SASH1: variants seen among roughly 807,000 people sequenced by gnomAD.
SASH1 encodes the protein SAM and SH3 domain containing 1.
A neutral mutation model predicts 125.2 loss-of-function variants in SASH1; 44 were observed. The ratio of observed to expected loss-of-function variants is 0.35; its 90% CI spans 0.28 to 0.45. The LOEUF (loss-of-function observed/expected upper bound fraction) is 0.45. SASH1 is among the 20% of genes least tolerant of loss of function. The probability of loss-of-function intolerance (pLI) is 1.00; values close to 1 mark genes in which losing one functional copy is unlikely to be tolerated. For synonymous variants in SASH1, 639 were observed against 649.1 expected (o/e 0.98, Z 0.24); for missense variants, 1,426 against 1,614.5 (o/e 0.88, Z 2.00).
At chr6:148,528,511 C>A (rs985205743) in intron 12 of SASH1, among the ~76,000 whole-genome samples, 24 of 152,222 alleles carry the variant, frequency 1.6e-4, no homozygotes, top group African/African-American at 5.8e-4. Context: ...AATGACCGAA[C>A]GTCACCAGCC....
chr6:148,455,706 CTG>C (rs1777308219), intron 4 of SASH1, among the ~76,000 whole-genome samples: 1 of 152,196 alleles, frequency 6.6e-6, no homozygotes. Context: ...TTAGCCATGT[CTG>C]TGAATGAATT....
At chr6:148,227,582 T>C in the SASH1 span, among the ~76,000 whole-genome samples, 13 of 152,228 alleles carry the variant, frequency 8.5e-5, no homozygotes, top group Non-Finnish European at 1.9e-4. Flanking sequence ...GGTCTCAAAC[T>C]CCTGACCTCA....
At chr6:148,371,534 T>C (rs371525738) in intron 1 of SASH1, among the ~76,000 whole-genome samples, 2 of 152,002 alleles carry the variant, frequency 1.3e-5, no homozygotes, top group South Asian at 4.2e-4. Context: ...TCCCAAAGTG[T>C]TGGGATTACA....
chr6:148,207,419 T>C, the SASH1 span, among the ~76,000 whole-genome samples: 1 of 152,240 alleles, frequency 6.6e-6, no homozygotes, highest in East Asian at 1.9e-4. Context: ...ATGACTGTCC[T>C]CTTAGTTTCT....
At chr6:148,238,134 A>C in the SASH1 span, among the ~76,000 whole-genome samples, 1 of 151,944 alleles carries the variant, frequency 6.6e-6, no homozygotes, top group African/African-American at 2.4e-5. Flanking sequence ...GAGTTTTATC[A>C]CTTTATTTAA....
chr6:148,419,545 T>C (rs944442291), intron 2 of SASH1, among the ~76,000 whole-genome samples: 1 of 152,220 alleles, frequency 6.6e-6, no homozygotes, highest in Non-Finnish European at 1.5e-5. Flanking sequence ...TCATCCTTTT[T>C]AGATGACCAT....
intron 6 of SASH1, among the ~76,000 whole-genome samples, chr6:148,473,230 T>C (rs1454090206): frequency 2.6e-5 from 4 of 152,190 alleles, no homozygotes; most frequent in African/African-American, 9.7e-5. Context: ...ATGTCTGTGA[T>C]TTGCACTTAG....
intron 1 of SASH1, among the ~76,000 whole-genome samples, chr6:148,363,251 C>T (rs770507848): frequency 3.3e-5 from 5 of 152,192 alleles, no homozygotes; most frequent in East Asian, 1.9e-4. Flanking sequence ...TTCTGGAGGA[C>T]GTGGCGGTGG....
chr6:148,455,092 A>T (rs1373522760), intron 4 of SASH1, among the ~76,000 whole-genome samples: 3 of 152,226 alleles, frequency 2.0e-5, no homozygotes, highest in Non-Finnish European at 4.4e-5. Flanking sequence ...GAGAATGAAG[A>T]TGGGCCCTGT....
At chr6:148,386,694 C>A (rs577677520) in intron 1 of SASH1, among the ~76,000 whole-genome samples, 1 of 152,314 alleles carries the variant, frequency 6.6e-6, no homozygotes, top group East Asian at 1.9e-4. Context: ...GAGACCAAGA[C>A]AACTCCAAAG....
At chr6:148,280,936 TTTGTTTTGTTTTG>T (rs1210599429) in intron 1 of SASH1, among the ~76,000 whole-genome samples, 4 of 151,506 alleles carry the variant, frequency 2.6e-5, no homozygotes, top group Non-Finnish European at 5.9e-5. Flanking sequence ...GTTGTTTTGT[TTTGTTTTGTTTTG>T]TTGTTTTGTT....
intron 1 of SASH1, among the ~76,000 whole-genome samples, chr6:148,283,751 G>T (rs1277667927): frequency 6.6e-6 from 1 of 152,030 alleles, no homozygotes; most frequent in East Asian, 1.9e-4. Context: ...CCCAGCCTGG[G>T]TGAAGATCGA....
intron 4 of SASH1, among the ~76,000 whole-genome samples, chr6:148,462,547 A>T (rs577810254): frequency 6.6e-6 from 1 of 152,102 alleles, no homozygotes; most frequent in South Asian, 2.1e-4. Context: ...CTAGAAGCAG[A>T]TAGGGGGGTC....
intron 4 of SASH1, among the ~76,000 whole-genome samples, chr6:148,456,342 G>T (rs567772078): frequency 6.6e-6 from 1 of 152,176 alleles, no homozygotes; most frequent in Admixed American, 6.5e-5. Flanking sequence ...CCGCCCGAGC[G>T]TGTGGCAGCC....
chr6:148,422,207 G>A (rs1375248866), intron 2 of SASH1, among the ~76,000 whole-genome samples: 1 of 152,182 alleles, frequency 6.6e-6, no homozygotes, highest in African/African-American at 2.4e-5. Context: ...CTTTTATAGT[G>A]CCAATCTATG....
Position 148,325,434 on chromosome 6 carries a change from G to A in SASH1, n.74+53057G>A, listed in dbSNP as rs112322344. On this transcript the variant is annotated intron_variant and non_coding_transcript_variant, in intron 1 of 3. Transcript: ENST00000367469. ...TGGGTTTACAGGTGCATGCCACCAC[G>A]CCCAGCTAATTTTTAAAATATTTTT... is the stretch of plus-strand genomic sequence containing the variant. Among the ~76,000 whole-genome samples, 425 of 152,026 alleles carry A rather than the reference G, an allele frequency of 2.8e-3. 6 individuals carry two copies. Among genetic ancestry groups the A allele is most frequent in the Middle Eastern group, 6.8e-3 (2 of 294 alleles).
intron 7 of SASH1, among the ~76,000 whole-genome samples, chr6:148,483,455 A>G (rs1026574278): frequency 6.6e-6 from 1 of 152,152 alleles, no homozygotes; most frequent in Non-Finnish European, 1.5e-5. Flanking sequence ...CATCCAAACT[A>G]TATATAGCAT....
chr6:148,372,705 T>C (rs1782744927), intron 1 of SASH1, among the ~76,000 whole-genome samples: 1 of 84,994 alleles, frequency 1.2e-5, no homozygotes, highest in South Asian at 6.1e-4. Flanking sequence ...TTCCATTTGT[T>C]CGTTCATTCA....
chr6:148,288,905 C>A (rs1332295710), intron 1 of SASH1, among the ~76,000 whole-genome samples: 2 of 152,222 alleles, frequency 1.3e-5, no homozygotes, highest in East Asian at 1.9e-4. Flanking sequence ...CACCTCCTAC[C>A]CTTTAGGTTA....
Sources: allele counts gnomAD v4.1 joint callset (sites outside exome capture counted in the v4.1 genomes callset), GRCh38; gene constraint gnomAD v4.1.1; transcripts MANE v1.5; gene names NCBI Gene and HGNC (gene_info 2026-07-23, HGNC 2026-07-21).